Variants in BACH2 observed in about 807,000 individuals in gnomAD.
BACH2 encodes the protein transcription regulator protein BACH2.
In BACH2, 5 loss-of-function variants were observed where a neutral mutation model predicts 61.8. The ratio of observed to expected loss-of-function variants is 0.08; its 90% CI spans 0.04 to 0.17. The LOEUF is 0.17. Ranked by LOEUF, BACH2 falls within the 10% of genes least tolerant of loss-of-function variation. The pLI is 1.00. For missense variants in BACH2, 824 were observed against 1,091.1 expected (o/e 0.76, Z 3.45); for synonymous variants, 446 against 440.1 (o/e 1.01, Z -0.17).
rs1772663846 is a variant in BACH2 at position 89,931,852 on chromosome 6, A to AT, written c.*555dup. 6.6e-6 allele frequency: 1 copy of AT among 152,266 alleles called. No homozygotes were observed. Among genetic ancestry groups the AT allele is most frequent in the African/African-American group, 2.4e-5 (1 of 41,352 alleles). The allele number at this position is 152,266 out of a possible 1,614,324, so 9.4% of individuals were successfully genotyped here. On this transcript the variant is annotated 3_prime_UTR_variant, in exon 9 of 9. Transcript: ENST00000257749. ...TAGCATCAGAGACAAAAGAAGAGGA[A>AT]TGTTGGAACCTGTTTCTAAATGAGA...
At chr6:90,094,647 C>T (rs990749753) in intron 4 of BACH2, among the ~76,000 whole-genome samples, 1 of 152,182 alleles carries the variant, frequency 6.6e-6, no homozygotes, top group African/African-American at 2.4e-5. Flanking sequence ...TAAGCTAATT[C>T]TCTCCATTGT....
rs776149154 is a variant in BACH2 at position 90,050,670 on chromosome 6, T to C, written c.-13+38291A>G. ...ACATGTAGTGAGCTTATTACTGTGATTTTAAAATTAACTAATAGATACTTT... is the reference window on the plus strand; with the variant it reads ...ACATGTAGTGAGCTTATTACTGTGACTTTAAAATTAACTAATAGATACTTT... On this transcript the variant is annotated intron_variant, in intron 5 of 8. Coordinates refer to ENST00000257749, the MANE Select transcript of BACH2 (RefSeq NM_021813.4). Among the ~76,000 whole-genome samples, 26 of 152,322 alleles carry C rather than the reference T, an allele frequency of 1.7e-4. 1 individual carries two copies. Among genetic ancestry groups the C allele is most frequent in the Non-Finnish European group, 2.8e-4 (19 of 68,028 alleles).
chr6:90,148,844 T>A (rs975197440), intron 4 of BACH2, among the ~76,000 whole-genome samples: 1 of 152,072 alleles, frequency 6.6e-6, no homozygotes, highest in African/African-American at 2.4e-5. Context: ...AAGAGAAAAA[T>A]CAGTAATAGG....
At chr6:90,159,534 A>G (rs1445420182) in intron 4 of BACH2, among the ~76,000 whole-genome samples, 1 of 152,228 alleles carries the variant, frequency 6.6e-6, no homozygotes, top group Admixed American at 6.5e-5. Flanking sequence ...CACTATACAT[A>G]TATTTTATTG....
At chr6:89,970,738 TGGC>T (rs1775311413) in intron 6 of BACH2, among the ~76,000 whole-genome samples, 1 of 152,200 alleles carries the variant, frequency 6.6e-6, no homozygotes, top group Admixed American at 6.5e-5. Context: ...CCGAGCTGGC[TGGC>T]TTCTTTGTTC....
chr6:90,293,697 A>G (rs1772251726), intron 1 of BACH2, among the ~76,000 whole-genome samples: 2 of 152,246 alleles, frequency 1.3e-5, no homozygotes, highest in Non-Finnish European at 2.9e-5. Flanking sequence ...TGTAATCTGA[A>G]TCTACTTTTA....
intron 5 of BACH2, among the ~76,000 whole-genome samples, chr6:90,064,749 A>G (rs1780857245): frequency 6.6e-6 from 1 of 152,206 alleles, no homozygotes; most frequent in Non-Finnish European, 1.5e-5. Flanking sequence ...CCATTCCACA[A>G]ATGGATAGAA....
At chr6:90,052,973 T>C (rs890394742) in intron 5 of BACH2, among the ~76,000 whole-genome samples, 1 of 152,184 alleles carries the variant, frequency 6.6e-6, no homozygotes, top group African/African-American at 2.4e-5. Context: ...TACTTTCCTA[T>C]GCTTTATGTA....
intron 6 of BACH2, among the ~76,000 whole-genome samples, chr6:89,986,280 G>C (rs1776238731): frequency 1.3e-5 from 2 of 151,514 alleles, no homozygotes; most frequent in South Asian, 4.2e-4. Context: ...AATCCTTGTG[G>C]GCATATTTCT....
intron 5 of BACH2, among the ~76,000 whole-genome samples, chr6:90,018,403 A>C (rs1275149665): frequency 1.3e-5 from 2 of 152,192 alleles, no homozygotes; most frequent in Non-Finnish European, 2.9e-5. Context: ...ATGGCCTAGA[A>C]ACTCTCAAAG....
chr6:90,111,730 T>A (rs1415345061), intron 4 of BACH2, among the ~76,000 whole-genome samples: 2 of 152,242 alleles, frequency 1.3e-5, no homozygotes, highest in African/African-American at 4.8e-5. Context: ...ATTGCTCTCA[T>A]CGTTCTCTGA....
At chr6:90,201,376 A>T (rs74713597) in intron 4 of BACH2, among the ~76,000 whole-genome samples, 2,470 of 152,298 alleles carry the variant, frequency 0.016, 44 homozygotes, top group East Asian at 0.071. Context: ...CATCAATTGT[A>T]TAGGTGAAAA....
chr6:90,119,478 C>T (rs1783537573), intron 4 of BACH2, among the ~76,000 whole-genome samples: 1 of 152,128 alleles, frequency 6.6e-6, no homozygotes. Context: ...CTTCAATCTT[C>T]CACTTGCTTT....
intron 5 of BACH2, among the ~76,000 whole-genome samples, chr6:90,050,435 C>T (rs1049606561): frequency 6.6e-6 from 1 of 151,946 alleles, no homozygotes; most frequent in Admixed American, 6.6e-5. Flanking sequence ...CTATCCTTGT[C>T]CAAATACACA....
At chr6:90,288,710 G>T (rs1056417154) in intron 1 of BACH2, among the ~76,000 whole-genome samples, 4 of 152,012 alleles carry the variant, frequency 2.6e-5, no homozygotes, top group African/African-American at 9.7e-5. Flanking sequence ...TGAGAACAAA[G>T]GTTACCTCCT....
At chr6:90,043,038 A>G (rs553170053) in intron 5 of BACH2, among the ~76,000 whole-genome samples, 27 of 152,138 alleles carry the variant, frequency 1.8e-4, no homozygotes, top group Non-Finnish European at 3.5e-4. Context: ...GGTGAGAGAG[A>G]ATGAAAAGAG....
intron 2 of BACH2, among the ~76,000 whole-genome samples, chr6:90,263,258 C>A (rs1326480000): frequency 6.6e-6 from 1 of 152,162 alleles, no homozygotes; most frequent in Admixed American, 6.5e-5. Flanking sequence ...ATCTCTATGA[C>A]ATACACTGCT....
At position 90,017,310 on chromosome 6, in the gene BACH2, C is replaced by G. The variant is rs541919180; in HGVS notation, c.-12-8454G>C. Among the ~76,000 whole-genome samples, 6 of 152,112 alleles carry G rather than the reference C, an allele frequency of 3.9e-5. No individual in the cohort carries two copies. The South Asian group carries it at 1.2e-3, about 32-fold the overall frequency. On this transcript the variant is annotated intron_variant, in intron 5 of 8. Coordinates refer to ENST00000257749, the MANE Select transcript of BACH2 (RefSeq NM_021813.4). ...CTTTGGCTCACTGCAACCACTGTCT[C>G]CTGGGTTCGAGTGATTCTCCTGCTT...
At chr6:90,295,929 A>C (rs1772350191) in intron 1 of BACH2, among the ~76,000 whole-genome samples, 1 of 151,964 alleles carries the variant, frequency 6.6e-6, no homozygotes. Context: ...CTGACAGCTG[A>C]GCGCAAAGGC....
Sources: gnomAD v4.1 joint callset for allele counts (sites outside exome capture counted in the v4.1 genomes callset) on GRCh38, gnomAD v4.1.1 for gene constraint, MANE v1.5 for transcripts, NCBI Gene and HGNC (gene_info 2026-07-23, HGNC 2026-07-21) for gene names.